Variants in MTMR10 observed in about 807,000 individuals in gnomAD.
MTMR10 encodes myotubularin-related protein 10.
Under a neutral mutation model 88.1 loss-of-function variants are expected in MTMR10, and 56 were observed. The ratio of observed to expected loss-of-function variants is 0.64; its 90% CI spans 0.51 to 0.79. The LOEUF is 0.79. MTMR10 is among the 30% of genes least tolerant of loss of function. The pLI is 0.00. For missense variants in MTMR10, 883 were observed against 924.7 expected (o/e 0.95, Z 0.58); for synonymous variants, 380 against 340.9 (o/e 1.11, Z -1.26).
At chr15:30,952,539 A>AT (rs1254147019) in intron 11 of MTMR10, among the ~76,000 whole-genome samples, 2 of 150,428 alleles carry the variant, frequency 1.3e-5, no homozygotes, top group Non-Finnish European at 3.0e-5. Flanking sequence ...TAGTTTTAAA[A>AT]TTTTTTTGTG....
chr15:30,945,912 CCCAGTAGCTGGGA>C (rs2063163998), intron 14 of MTMR10, among the ~76,000 whole-genome samples: 1 of 152,186 alleles, frequency 6.6e-6, no homozygotes, highest in Admixed American at 6.5e-5. Context: ...CCTCAGCCTC[CCCAGTAGCTGGGA>C]CCACAGGTGC....
chr15:30,924,977 G>A, the MTMR10 span: 1 of 757,372 alleles, frequency 1.3e-6, no homozygotes, highest in Non-Finnish European at 2.1e-6. Context: ...AAGATCTAAG[G>A]AAACAGCCTA....
chr15:30,969,222 A>C (rs1036853487), intron 5 of MTMR10, among the ~76,000 whole-genome samples: 2 of 152,134 alleles, frequency 1.3e-5, no homozygotes, highest in Non-Finnish European at 2.9e-5. Flanking sequence ...GTTAAAATAT[A>C]CAAACAAGGG....
At chr15:30,932,782 A>G in the MTMR10 span, among the ~76,000 whole-genome samples, 1 of 143,004 alleles carries the variant, frequency 7.0e-6, no homozygotes, top group Non-Finnish European at 1.5e-5. Flanking sequence ...AGCGTGAGTT[A>G]GCTCACTGCA....
intron 6 of MTMR10, among the ~76,000 whole-genome samples, chr15:30,962,329 G>A (rs1566956417): frequency 6.6e-6 from 1 of 152,194 alleles, no homozygotes; most frequent in African/African-American, 2.4e-5. Context: ...TTCTGGCCCA[G>A]GGTCTTTCTG....
intron 2 of MTMR10, among the ~76,000 whole-genome samples, chr15:30,989,087 T>C (rs554478637): frequency 2.0e-4 from 31 of 151,854 alleles, no homozygotes; most frequent in African/African-American, 5.3e-4. Context: ...TGTGAAATCA[T>C]AGTATGCAGA....
intron 2 of MTMR10, among the ~76,000 whole-genome samples, chr15:30,990,059 T>A (rs1031119014): frequency 8.5e-5 from 13 of 152,158 alleles, no homozygotes; most frequent in Non-Finnish European, 1.6e-4. Context: ...TACTTCCATC[T>A]CTAAGGTCAC....
intron 15 of MTMR10, chr15:30,942,284 A>G (rs1359430260): frequency 1.6e-6 from 1 of 632,530 alleles, no homozygotes. Flanking sequence ...TGTTACTATC[A>G]GCCTGAATGG....
intron 6 of MTMR10, among the ~76,000 whole-genome samples, 199 bp from the exon 7 acceptor site, chr15:30,961,272 C>T (rs559360704): frequency 2.0e-5 from 3 of 151,424 alleles, no homozygotes; most frequent in Admixed American, 6.6e-5. Context: ...CTCGTTCTGT[C>T]GCCCAGGCTG....
rs1424674312 is a variant in MTMR10, at chr15:30,939,314, T to C, written c.*2156A>G. 1 of 985,364 alleles carries C rather than the reference T, an allele frequency of 1.0e-6. No homozygotes were observed. The highest frequency in any genetic ancestry group is 6.1e-5 in the Admixed American group (1 of 16,272). 61.0% of individuals were successfully genotyped at this position (985,364 alleles called of 1,614,324 possible). On this transcript the variant is annotated 3_prime_UTR_variant, in exon 16 of 16. Coordinates refer to ENST00000435680, the MANE Select transcript of MTMR10 (RefSeq NM_017762.3). ...CCAGTGCATCAGCATCTGTGCGGCATTCCCTCAGCACGGGCTCTGCTGGCG... is the reference window on the plus strand; with the variant it reads ...CCAGTGCATCAGCATCTGTGCGGCACTCCCTCAGCACGGGCTCTGCTGGCG...
chr15:30,950,852 C>A (rs1386362776), intron 12 of MTMR10, among the ~76,000 whole-genome samples: 1 of 152,142 alleles, frequency 6.6e-6, no homozygotes, highest in Non-Finnish European at 1.5e-5. Flanking sequence ...TGCATATAAC[C>A]TATGCACATC....
Position 30,983,358 on chromosome 15 carries a change from T to C in MTMR10, c.122-6403A>G, listed in dbSNP as rs185052278. ...CTGGGAGGAAATCAAGAAATCCAAG[T>C]TTATTTTCTCAAGACCCTTTCATCT... is the stretch of plus-strand genomic sequence containing the variant. On this transcript the variant is annotated intron_variant, in intron 2 of 15. Transcript: ENST00000435680. Among the ~76,000 whole-genome samples the C allele has an allele frequency of 1.8e-3, 280 of 152,286 alleles. 5 individuals are homozygous for C. The Middle Eastern group carries it at 0.024, about 13-fold the overall frequency.
chr15:30,986,450 C>T (rs1275971232), intron 2 of MTMR10, among the ~76,000 whole-genome samples: 2 of 151,630 alleles, frequency 1.3e-5, no homozygotes, highest in African/African-American at 4.9e-5. Flanking sequence ...GATTCCAAAC[C>T]AGGTATAGTG....
intron 6 of MTMR10, among the ~76,000 whole-genome samples, chr15:30,963,722 G>A (rs962776658): frequency 6.8e-6 from 1 of 147,940 alleles, no homozygotes; most frequent in African/African-American, 2.4e-5. Context: ...CCACATCCTA[G>A]AGTCCCACTC....
rs201843365 is a variant in MTMR10, at chr15:30,939,666, G to T, written c.*1804C>A. Reference sequence around the variant, plus strand: ...AAATACTACAAGAGTTAAAATAAACGTGAAGGAAGAAAATTACAGAGGGAA... The same window carrying T: ...AAATACTACAAGAGTTAAAATAAACTTGAAGGAAGAAAATTACAGAGGGAA... On this transcript the variant is annotated 3_prime_UTR_variant, in exon 16 of 16. Coordinates refer to ENST00000435680, the MANE Select transcript of MTMR10 (RefSeq NM_017762.3). 19 of 486,688 alleles carry T rather than the reference G, an allele frequency of 3.9e-5. No individual in the cohort carries two copies. The highest frequency in any genetic ancestry group is 3.5e-5 in the Non-Finnish European group (14 of 398,756). 30.1% of individuals were successfully genotyped at this position (486,688 alleles called of 1,614,324 possible). A position where few individuals can be genotyped will look rare whatever the true frequency, so the allele number is the denominator to read the frequency against.
chr15:30,948,712 ATCAC>A (rs2063204476), intron 12 of MTMR10: 1 of 553,334 alleles, frequency 1.8e-6, no homozygotes. Flanking sequence ...ATAGAAGCTC[ATCAC>A]TCATACTTTT....
At chr15:30,930,919 T>C in the MTMR10 span, among the ~76,000 whole-genome samples, 3 of 152,166 alleles carry the variant, frequency 2.0e-5, no homozygotes, top group Non-Finnish European at 4.4e-5. Context: ...GACATGATGT[T>C]CCATCACTCC....
chr15:30,947,199 G>A lies in MTMR10; in HGVS notation c.1479C>T (p.Asp493=). The change falls in exon 14 of 16, where the codon GAC becomes GAT. Residue 493 remains aspartate, a synonymous_variant. Transcript: ENST00000435680. The stretch of plus-strand genomic sequence containing the variant: ...TGCCAAACAGTGAGATCCGGGTGCT[G>A]TCATACAACACTGCCAGGTAGGTTT... ...FSETYLAVLY[D]STRISLFGTF... The A allele has an allele frequency of 6.2e-7, 1 of 1,614,004 alleles. No individual in the cohort carries two copies. Among genetic ancestry groups the A allele is most frequent in the Non-Finnish European group, 8.5e-7 (1 of 1,179,888 alleles).
At chr15:30,943,986 G>C in intron 14 of MTMR10, 1 of 985,226 alleles carries the variant, frequency 1.0e-6, no homozygotes, top group Non-Finnish European at 1.2e-6. Context: ...CTGATTCTTT[G>C]TTCTGTACCT....
Sources: gnomAD v4.1 joint callset for allele counts (sites outside exome capture counted in the v4.1 genomes callset) on GRCh38, gnomAD v4.1.1 for gene constraint, MANE v1.5 for transcripts, NCBI Gene and HGNC (gene_info 2026-07-23, HGNC 2026-07-21) for gene names.